Variants in MYO5B observed in about 807,000 individuals in gnomAD.
MYO5B encodes myosin VB, also known as unconventional myosin-Vb.
Under a neutral mutation model 229.3 loss-of-function variants are expected in MYO5B, and 143 were observed. The observed-to-expected ratio is 0.62, with a 90% CI of 0.54 to 0.72. The LOEUF is 0.72. Among genes scored for constraint, MYO5B ranks in the 30% least tolerant of loss-of-function variants. MYO5B has a pLI of 0.00. For synonymous variants in MYO5B, 918 were observed against 885.2 expected, an observed-to-expected ratio of 1.04 and a Z score of -0.66; for missense variants, 2,321 against 2,331.0, an observed-to-expected ratio of 1.00 and a Z score of 0.09.
At chr18:50,037,216 A>AAAC (rs2026458909) in intron 3 of MYO5B, among the ~76,000 whole-genome samples, 1 of 146,530 alleles carries the variant, frequency 6.8e-6, no homozygotes, top group Admixed American at 6.9e-5. Flanking sequence ...CACACACACA[A>AAAC]ACACACACAC....
intron 1 of MYO5B, among the ~76,000 whole-genome samples, chr18:50,060,765 G>A (rs1454872889): frequency 6.6e-6 from 1 of 152,112 alleles, no homozygotes; most frequent in East Asian, 1.9e-4. Context: ...ACTATGACAA[G>A]AGCCTGAATC....
At chr18:49,970,669 G>A (rs950886568) in intron 10 of MYO5B, among the ~76,000 whole-genome samples, 2 of 152,140 alleles carry the variant, frequency 1.3e-5, no homozygotes, top group African/African-American at 4.8e-5. Context: ...GTTTGGTACA[G>A]AATTATTTCG....
chr18:49,872,176 A>G lies in MYO5B; in HGVS notation c.3594T>C (p.Asn1198=). The G allele has an allele frequency of 1.2e-6, 2 of 1,613,972 alleles. No individual in the cohort carries two copies. The highest frequency in any genetic ancestry group is 1.3e-5 in the African/African-American group (1 of 75,008). Residue 1198 remains asparagine (N), a synonymous_variant, in exon 27 of 40, where the codon AAT becomes AAC. Coordinates refer to ENST00000285039, the MANE Select transcript of MYO5B (RefSeq NM_001080467.3). The stretch of plus-strand genomic sequence containing the variant: ...CCCCCAAGAATCTTACCTTCAGACT[A>G]TTGTAGGCCAGATCTGCATTCGGGT... ...DLDPNADLAY[N]SLKRQELESE...
intron 20 of MYO5B, among the ~76,000 whole-genome samples, chr18:49,903,704 A>C (rs1047980901): frequency 6.6e-6 from 1 of 152,214 alleles, no homozygotes. Context: ...ATGTTCATTT[A>C]ATGAAAAAGA....
intron 2 of MYO5B, among the ~76,000 whole-genome samples, chr18:50,054,596 A>G (rs1386050968): frequency 1.3e-5 from 2 of 152,216 alleles, no homozygotes; most frequent in African/African-American, 4.8e-5. Context: ...AAGGCTCATG[A>G]GAAGGTAAAC....
chr18:50,063,444 C>T (rs956571166), intron 1 of MYO5B, among the ~76,000 whole-genome samples: 7 of 152,130 alleles, frequency 4.6e-5, no homozygotes, highest in African/African-American at 1.7e-4. Flanking sequence ...CACCCAGATG[C>T]CTCCCTATCT....
rs140969247 is a variant in MYO5B, at chr18:50,159,478, A to T, written c.27+35289T>A. Among the ~76,000 whole-genome samples, 635 of 152,108 alleles carry T rather than the reference A, an allele frequency of 4.2e-3. 3 individuals carry two copies. The highest frequency in any genetic ancestry group is 0.014 in the African/African-American group (565 of 41,472). On this transcript the variant is annotated intron_variant, in intron 1 of 39. Transcript: ENST00000285039. ...CAACCCAGGAAACTCAAGCTGAGAG[A>T]CGTTAGTGACATTCAGTCACCCACG...
At chr18:49,961,625 AG>A (rs919383493) in intron 12 of MYO5B, among the ~76,000 whole-genome samples, 2 of 152,240 alleles carry the variant, frequency 1.3e-5, no homozygotes, top group African/African-American at 4.8e-5. Context: ...TACCCCTTTT[AG>A]CAATCAACCA....
intron 1 of MYO5B, among the ~76,000 whole-genome samples, chr18:50,139,493 G>A (rs2032385195): frequency 6.6e-6 from 1 of 152,166 alleles, no homozygotes; most frequent in Non-Finnish European, 1.5e-5. Flanking sequence ...CACTTTTAAA[G>A]TCAGCTTTCT....
At chr18:50,112,269 TAA>T (rs1352523551) in intron 1 of MYO5B, among the ~76,000 whole-genome samples, 1 of 152,166 alleles carries the variant, frequency 6.6e-6, no homozygotes, top group Non-Finnish European at 1.5e-5. Context: ...TAGGAATCCA[TAA>T]CTGTAGCGAA....
At chr18:50,100,975 A>G (rs2031643594) in intron 1 of MYO5B, among the ~76,000 whole-genome samples, 1 of 152,214 alleles carries the variant, frequency 6.6e-6, no homozygotes, top group Non-Finnish European at 1.5e-5. Flanking sequence ...TTCCTTAAGA[A>G]GACCACAGGT....
intron 1 of MYO5B, among the ~76,000 whole-genome samples, chr18:50,074,020 A>T (rs539623679): frequency 6.6e-6 from 1 of 152,116 alleles, no homozygotes; most frequent in African/African-American, 2.4e-5. Flanking sequence ...TCCACAAACC[A>T]TGTGTATTAG....
At chr18:50,138,260 T>C (rs1246854005) in intron 1 of MYO5B, among the ~76,000 whole-genome samples, 2 of 152,216 alleles carry the variant, frequency 1.3e-5, no homozygotes, top group Non-Finnish European at 2.9e-5. Flanking sequence ...CTTGAAAGTG[T>C]TAAATGGAAT....
At chr18:49,873,369 T>G (rs2024478374) in intron 26 of MYO5B, among the ~76,000 whole-genome samples, 1 of 142,178 alleles carries the variant, frequency 7.0e-6, no homozygotes, top group Non-Finnish European at 1.5e-5. Context: ...CTAGCAGTGT[T>G]AAGTCCTCCC....
intron 1 of MYO5B, among the ~76,000 whole-genome samples, chr18:50,172,902 A>G (rs1450692602): frequency 6.6e-6 from 1 of 152,226 alleles, no homozygotes; most frequent in African/African-American, 2.4e-5. Flanking sequence ...GGGAAAGAAC[A>G]TCTATGAACT....
chr18:49,951,354 C>T (rs184070760), intron 14 of MYO5B, among the ~76,000 whole-genome samples: 2 of 152,312 alleles, frequency 1.3e-5, no homozygotes, highest in East Asian at 3.9e-4. Flanking sequence ...CCTTATCATT[C>T]TCTTCCATAG....
intron 8 of MYO5B, among the ~76,000 whole-genome samples, chr18:49,982,555 G>A (rs954802654): frequency 2.0e-5 from 3 of 152,144 alleles, no homozygotes; most frequent in Non-Finnish European, 4.4e-5. Flanking sequence ...GCTATGGGAA[G>A]CAAAAAATCT....
chr18:49,956,022 A>C (rs1003330393), intron 12 of MYO5B, among the ~76,000 whole-genome samples: 3 of 152,242 alleles, frequency 2.0e-5, no homozygotes, highest in Non-Finnish European at 4.4e-5. Context: ...CTGTGAGAAG[A>C]CTTCGTAATC....
rs561264827 is a variant in MYO5B, at chr18:50,062,353, G to C, written c.28-6975C>G. ...CCACAGCCTAACTTGATAGCTGGCA[G>C]TATAAACTCCCTGTCCATTCCTGTG... On this transcript the variant is annotated intron_variant, in intron 1 of 39. Transcript: ENST00000285039. Among the ~76,000 whole-genome samples, 15 of 152,302 alleles carry C rather than the reference G, an allele frequency of 9.8e-5. 1 individual carries two copies. The highest frequency in any genetic ancestry group is 9.8e-4 in the Admixed American group (15 of 15,298).
Sources: gnomAD v4.1 joint callset for allele counts (sites outside exome capture counted in the v4.1 genomes callset) on GRCh38, gnomAD v4.1.1 for gene constraint, MANE v1.5 for transcripts, NCBI Gene and HGNC (gene_info 2026-07-23, HGNC 2026-07-21) for gene names.